Variants in ACKR3 observed in about 807,000 individuals in gnomAD.
ACKR3 encodes the protein atypical chemokine receptor 3, also known as C-X-C chemokine receptor type 7.
Under a neutral mutation model 22.4 loss-of-function variants are expected in ACKR3, and 6 were observed. The observed-to-expected ratio is 0.27, with a 90% CI of 0.15 to 0.53. The LOEUF is 0.53. Ranked by LOEUF, ACKR3 falls within the 20% of genes least tolerant of loss-of-function variation. The pLI is 0.96. For missense variants in ACKR3, 396 were observed against 475.2 expected, an observed-to-expected ratio of 0.83 and a Z score of 1.55; for synonymous variants, 209 against 205.2, an observed-to-expected ratio of 1.02 and a Z score of -0.16.
chr2:236,552,664 T>C, the ACKR3 span, among the ~76,000 whole-genome samples: 2 of 152,168 alleles, frequency 1.3e-5, no homozygotes, highest in Admixed American at 6.5e-5. Flanking sequence ...ATTTCAGAAG[T>C]ATTTGGTTTC....
chr2:236,559,645 T>TA, the ACKR3 span, among the ~76,000 whole-genome samples: 1 of 152,202 alleles, frequency 6.6e-6, no homozygotes, highest in Non-Finnish European at 1.5e-5. Flanking sequence ...AACTGTACAG[T>TA]TGATGTCCTT....
At chr2:236,576,263 AC>A (rs1029051483) in intron 1 of ACKR3, among the ~76,000 whole-genome samples, 1 of 152,086 alleles carries the variant, frequency 6.6e-6, no homozygotes, top group African/African-American at 2.4e-5. Context: ...GCGTAAACAG[AC>A]CCCGCACAGG....
chr2:236,543,714 TAC>T, the ACKR3 span, among the ~76,000 whole-genome samples: 21 of 151,916 alleles, frequency 1.4e-4, no homozygotes, highest in Non-Finnish European at 1.8e-4. Flanking sequence ...ATGTTTGAAC[TAC>T]TACCTTGGAT....
chr2:236,567,369 A>G (rs1333670309), upstream of ACKR3, among the ~76,000 whole-genome samples: 2 of 151,984 alleles, frequency 1.3e-5, no homozygotes, highest in Non-Finnish European at 2.9e-5. Flanking sequence ...CTATTCATCT[A>G]TCTTATGTCA....
intron 1 of ACKR3, among the ~76,000 whole-genome samples, chr2:236,575,237 A>G (rs1430987469): frequency 6.6e-6 from 1 of 152,196 alleles, no homozygotes; most frequent in Non-Finnish European, 1.5e-5. Context: ...AAAAACTACA[A>G]GTCTCCTTTT....
intron 1 of ACKR3, among the ~76,000 whole-genome samples, chr2:236,572,278 T>C (rs1489887704): frequency 6.6e-6 from 1 of 152,236 alleles, no homozygotes; most frequent in African/African-American, 2.4e-5. Context: ...CATAATTTTA[T>C]GGTGACAATT....
At chr2:236,548,772 C>A in the ACKR3 span, among the ~76,000 whole-genome samples, 3 of 152,112 alleles carry the variant, frequency 2.0e-5, no homozygotes, top group Admixed American at 2.0e-4. This position sits in a 1 kb window ranked among gnomAD's most constrained non-coding sequence, Gnocchi z 4.3. Flanking sequence ...GACATAACAG[C>A]CAATAAAAAC....
upstream of ACKR3, among the ~76,000 whole-genome samples, chr2:236,563,937 G>A (rs922188079): frequency 6.6e-6 from 1 of 152,200 alleles, no homozygotes; most frequent in African/African-American, 2.4e-5. Context: ...GTTGGAGGAT[G>A]TAGGGGTATG....
chr2:236,576,267 C>T (rs957339267), intron 1 of ACKR3, among the ~76,000 whole-genome samples: 5 of 152,330 alleles, frequency 3.3e-5, no homozygotes, highest in South Asian at 2.1e-4. Context: ...AAACAGACCC[C>T]GCACAGGCTG....
rs1452222508 is a variant in ACKR3, at chr2:236,577,532, G to A, written c.-26-2908G>A. ...ATTTTGTGCTAAGAGTGGAGGAACT[G>A]GAAGGAAGGACACACTCGAGATGTG... On this transcript the variant is annotated intron_variant, in intron 1 of 1. Transcript: ENST00000272928. This position sits in a 1 kb window ranked among gnomAD's most constrained non-coding sequence, Gnocchi z 5.6. Among the ~76,000 whole-genome samples the A allele has an allele frequency of 2.6e-5, 4 of 152,102 alleles. No individual in the cohort carries two copies. Among genetic ancestry groups the A allele is most frequent in the African/African-American group, 9.7e-5 (4 of 41,412 alleles).
chr2:236,577,115 CT>C lies in ACKR3; in HGVS notation c.-26-3324del, dbSNP rs1691426546. ...TGTGGGCTGCTGTTCCTTGGGCTGA[CT>C]GGTGGTTAATGATTGAGGATCGGTG... is the stretch of plus-strand genomic sequence containing the variant. On this transcript the variant is annotated intron_variant, in intron 1 of 1. Transcript: ENST00000272928. The surrounding 1 kb of genome is among the most constrained non-coding windows in gnomAD (Gnocchi z 5.6). Among the ~76,000 whole-genome samples the C allele has an allele frequency of 6.6e-6, 1 of 152,116 alleles. No homozygotes were observed. The highest frequency in any genetic ancestry group is 1.9e-4 in the East Asian group (1 of 5,170).
At chr2:236,557,229 T>G in the ACKR3 span, among the ~76,000 whole-genome samples, 7,186 of 151,792 alleles carry the variant, frequency 0.047, 443 homozygotes, top group East Asian at 0.25. Flanking sequence ...AATACAGATA[T>G]GTGCATATAT....
the ACKR3 span, among the ~76,000 whole-genome samples, chr2:236,559,659 T>A: frequency 6.6e-6 from 1 of 152,230 alleles, no homozygotes; most frequent in South Asian, 2.1e-4. Context: ...TGTCCTTTGA[T>A]AAATGTGTAT....
upstream of ACKR3, among the ~76,000 whole-genome samples, chr2:236,565,490 G>T (rs994380490): frequency 2.0e-5 from 3 of 152,160 alleles, no homozygotes; most frequent in South Asian, 6.2e-4. Context: ...TACAGATCTT[G>T]TTAAAAATAA....
chr2:236,550,443 G>A, the ACKR3 span, among the ~76,000 whole-genome samples: 27 of 152,322 alleles, frequency 1.8e-4, no homozygotes, highest in Non-Finnish European at 1.2e-4. The surrounding 1 kb of genome is among the most constrained non-coding windows in gnomAD (Gnocchi z 4.6). Context: ...TCACGTCATC[G>A]GGCAGTAAAA....
At chr2:236,557,061 C>G in the ACKR3 span, among the ~76,000 whole-genome samples, 3 of 152,086 alleles carry the variant, frequency 2.0e-5, no homozygotes, top group Non-Finnish European at 2.9e-5. Context: ...AAAGTTACAT[C>G]CAATGGGACT....
At chr2:236,554,727 C>T in the ACKR3 span, among the ~76,000 whole-genome samples, 5 of 152,174 alleles carry the variant, frequency 3.3e-5, no homozygotes, top group African/African-American at 9.7e-5. Context: ...AGAGCAGGTG[C>T]GAGCAGGGCA....
In ACKR3 at chr2:236,581,741, T is replaced by C. The variant is rs1691544650; in HGVS notation, c.*187T>C. 2.6e-6 allele frequency: 2 copies of C among 758,230 alleles called. No individual in the cohort carries two copies. Among genetic ancestry groups the C allele is most frequent in the Non-Finnish European group, 4.1e-6 (2 of 483,400 alleles). 47.0% of individuals were successfully genotyped at this position (758,230 alleles called of 1,614,324 possible). On this transcript the variant is annotated 3_prime_UTR_variant, in exon 2 of 2. Transcript: ENST00000272928. This position sits in a 1 kb window ranked among gnomAD's most constrained non-coding sequence, Gnocchi z 4.4. ...GACGCAGCTGTCATTTGGCTGTGCG[T>C]GCTGACAGTTTTGCAACAGGCAGAG...
chr2:236,581,787 G>C lies in ACKR3; in HGVS notation c.*233G>C. 2 of 440,042 alleles carry C rather than the reference G, an allele frequency of 4.5e-6. No homozygotes were observed. Among genetic ancestry groups the C allele is most frequent in the Non-Finnish European group, 8.2e-6 (2 of 244,070 alleles). The allele number at this position is 440,042 out of a possible 1,614,324, so 27.3% of individuals were successfully genotyped here. On this transcript the variant is annotated 3_prime_UTR_variant, in exon 2 of 2. Transcript: ENST00000272928. This position sits in a 1 kb window ranked among gnomAD's most constrained non-coding sequence, Gnocchi z 4.4. The stretch of plus-strand genomic sequence containing the variant: ...CAGAGCTGTGTCGCACAGCAGTGCT[G>C]TGCGTCAGAGCCAGCTGAGGACAGG...
Sources: allele counts gnomAD v4.1 joint callset (sites outside exome capture counted in the v4.1 genomes callset), GRCh38; gene constraint gnomAD v4.1.1; non-coding constraint Gnocchi (gnomAD v3.1); transcripts MANE v1.5; gene names NCBI Gene and HGNC (gene_info 2026-07-23, HGNC 2026-07-21).